Variants in PDZD2 observed in about 807,000 individuals in gnomAD.
PDZD2 encodes PDZ domain containing 2, also known as PDZ domain-containing protein 2.
Under a neutral mutation model 220.7 loss-of-function variants are expected in PDZD2, and 90 were observed. The observed-to-expected ratio is 0.41, with a 90% CI of 0.34 to 0.49. The LOEUF (loss-of-function observed/expected upper bound fraction) is 0.49. Among genes scored for constraint, PDZD2 ranks in the 20% least tolerant of loss-of-function variants. The pLI, the probability that PDZD2 is intolerant of heterozygous loss-of-function variation, is 0.28. For missense variants in PDZD2, 3,174 were observed against 3,608.5 expected (o/e 0.88, Z 3.08); for synonymous variants, 1,375 against 1,450.5 (o/e 0.95, Z 1.18).
intron 2 of PDZD2, among the ~76,000 whole-genome samples, chr5:31,867,270 C>T (rs77751070): frequency 0.013 from 1,984 of 152,322 alleles, 40 homozygotes; most frequent in African/African-American, 0.046. Context: ...TAGACTTCAG[C>T]GCAGCCCCAG....
chr5:31,953,843 G>T (rs939022508), intron 2 of PDZD2, among the ~76,000 whole-genome samples: 60 of 152,132 alleles, frequency 3.9e-4, no homozygotes, highest in African/African-American at 1.3e-3. Flanking sequence ...GTAGAGATGG[G>T]TTTCACCATG....
At position 32,092,904 on chromosome 5, in the gene PDZD2, T is replaced by C. The variant is rs748827458; in HGVS notation, c.7728-3T>C. The C allele has an allele frequency of 5.3e-5, 75 of 1,413,566 alleles. No homozygotes were observed. The Admixed American group carries it at 1.3e-3, about 25-fold the overall frequency. 87.6% of individuals were successfully genotyped at this position (1,413,566 alleles called of 1,614,324 possible). On this transcript the variant is annotated splice_polypyrimidine_tract_variant and splice_region_variant and intron_variant, in intron 20 of 24. Coordinates refer to ENST00000438447, the MANE Select transcript of PDZD2 (RefSeq NM_178140.4). ...GTTCTTCAAATATATTTATATTATT[T>C]AGTTTGGATCAACTTCTAGTCTCAG...
At chr5:31,709,698 G>A (rs1328665647) in intron 1 of PDZD2, among the ~76,000 whole-genome samples, 1 of 152,134 alleles carries the variant, frequency 6.6e-6, no homozygotes. Flanking sequence ...GCCCACGCCT[G>A]TAATCCCAAC....
intron 2 of PDZD2, among the ~76,000 whole-genome samples, chr5:31,828,351 T>A (rs1195296136): frequency 6.6e-6 from 1 of 152,254 alleles, no homozygotes; most frequent in African/African-American, 2.4e-5. Flanking sequence ...ACTTGTGACC[T>A]GTCTTTATGA....
At chr5:31,728,526 C>A (rs1413349462) in intron 1 of PDZD2, among the ~76,000 whole-genome samples, 1 of 152,116 alleles carries the variant, frequency 6.6e-6, no homozygotes, top group African/African-American at 2.4e-5. Flanking sequence ...ATGCTCCTTG[C>A]GAGTGCTAAT....
intron 1 of PDZD2, among the ~76,000 whole-genome samples, chr5:31,648,360 G>C (rs1019134625): frequency 6.6e-6 from 1 of 152,112 alleles, no homozygotes; most frequent in African/African-American, 2.4e-5. Context: ...TTTCAAGCTA[G>C]TTCTTTCCTT....
At chr5:31,776,943 G>A (rs949454315) in intron 1 of PDZD2, among the ~76,000 whole-genome samples, 5 of 152,048 alleles carry the variant, frequency 3.3e-5, no homozygotes, top group Admixed American at 1.3e-4. Context: ...GGGTGACAAC[G>A]TGCTGGCGGC....
chr5:31,694,003 C>T (rs1747257728), intron 1 of PDZD2, among the ~76,000 whole-genome samples: 1 of 152,202 alleles, frequency 6.6e-6, no homozygotes. Context: ...TGCGTCATAA[C>T]TGCCCAGGAT....
chr5:31,807,621 C>A (rs1192855074), intron 2 of PDZD2, among the ~76,000 whole-genome samples: 5 of 152,238 alleles, frequency 3.3e-5, no homozygotes, highest in Admixed American at 3.3e-4. Context: ...TTGGTCCAGA[C>A]ACTGGGGTCC....
At chr5:31,835,438 A>T (rs35420943) in intron 2 of PDZD2, among the ~76,000 whole-genome samples, 1 of 149,700 alleles carries the variant, frequency 6.7e-6, no homozygotes, top group Non-Finnish European at 1.5e-5. Flanking sequence ...GGCCAACATG[A>T]TGAAACCTGT....
chr5:31,653,244 A>T (rs1361926641), intron 1 of PDZD2, among the ~76,000 whole-genome samples: 1 of 152,164 alleles, frequency 6.6e-6, no homozygotes, highest in African/African-American at 2.4e-5. Flanking sequence ...AGTTGATATC[A>T]GCTGTGGGGC....
intron 2 of PDZD2, chr5:31,848,164 A>C (rs377655323): frequency 8.2e-6 from 2 of 243,916 alleles, no homozygotes; most frequent in African/African-American, 4.6e-5. Context: ...AAACCAAACA[A>C]TTTTCTATGA....
chr5:31,863,774 G>T (rs1378814068), intron 2 of PDZD2, among the ~76,000 whole-genome samples: 1 of 152,134 alleles, frequency 6.6e-6, no homozygotes, highest in Non-Finnish European at 1.5e-5. Flanking sequence ...TACACATAAA[G>T]AAATTTCTGT....
intron 2 of PDZD2, among the ~76,000 whole-genome samples, chr5:31,829,839 G>A (rs1175917536): frequency 1.3e-5 from 2 of 151,828 alleles, no homozygotes; most frequent in South Asian, 2.1e-4. Context: ...GATCACTTGA[G>A]GTCAGGAGTT....
intron 8 of PDZD2, among the ~76,000 whole-genome samples, chr5:32,049,447 A>G (rs1380104273): frequency 6.6e-6 from 1 of 152,190 alleles, no homozygotes; most frequent in Non-Finnish European, 1.5e-5. Flanking sequence ...CGTGGCAGCA[A>G]CGACCTCCAC....
At chr5:32,025,590 G>GTTTTTTTTTTTTTTTTTTT (rs1754582025) in intron 6 of PDZD2, among the ~76,000 whole-genome samples, 1 of 67,656 alleles carries the variant, frequency 1.5e-5, no homozygotes, top group African/African-American at 7.0e-5. Context: ...TAACCATGAT[G>GTTTTTTTTTTTTTTTTTTT]CTTTTTTTTT....
intron 1 of PDZD2, among the ~76,000 whole-genome samples, chr5:31,744,981 G>A (rs981863772): frequency 1.3e-5 from 2 of 152,148 alleles, no homozygotes; most frequent in Admixed American, 6.5e-5. Context: ...GCTGAGGCAG[G>A]AGAATGGCAT....
intron 19 of PDZD2, among the ~76,000 whole-genome samples, chr5:32,084,133 A>C: frequency 6.6e-6 from 1 of 152,272 alleles, no homozygotes; most frequent in South Asian, 2.1e-4. Flanking sequence ...GAGAAGGAGA[A>C]GAGCACGTGG....
Position 32,089,542 on chromosome 5 carries a change from G to T in PDZD2, c.6094G>T (p.Asp2032Tyr), listed in dbSNP as rs377082030. The T allele has an allele frequency of 8.7e-6, 14 of 1,603,972 alleles. No homozygotes were observed. The African/African-American group carries it at 1.6e-4, about 19-fold the overall frequency. Residue 2032 changes from aspartate (D) to tyrosine (Y), a missense_variant, in exon 20 of 25, where the codon GAC (aspartate) becomes TAC (tyrosine). Physicochemically the swap from Asp to Tyr is radical, Grantham distance 160. Coordinates refer to ENST00000438447, the MANE Select transcript of PDZD2 (RefSeq NM_178140.4). The part of the protein sequence containing the change: ...CRAEGRAPRA[D>Y]SGPVSPAASR... Reference sequence around the variant, plus strand: ...AGCAGAGGGCAGGGCGCCCCGTGCTGACTCCGGGCCGGTGAGTCCGGCAGC... The same window carrying T: ...AGCAGAGGGCAGGGCGCCCCGTGCTTACTCCGGGCCGGTGAGTCCGGCAGC...
Sources: allele counts gnomAD v4.1 joint callset (sites outside exome capture counted in the v4.1 genomes callset), GRCh38; gene constraint gnomAD v4.1.1; transcripts MANE v1.5; gene names NCBI Gene and HGNC (gene_info 2026-07-23, HGNC 2026-07-21).